Variants in PDGFRL observed in about 807,000 individuals in gnomAD.
PDGFRL encodes platelet derived growth factor receptor like.
A neutral mutation model predicts 37.2 loss-of-function variants in PDGFRL; 46 were observed. The ratio of observed to expected loss-of-function variants is 1.24; its 90% CI spans 0.98 to 1.58. PDGFRL has a LOEUF of 1.58. Ranked by LOEUF, PDGFRL falls within the 40% of genes most tolerant of loss-of-function variation. The pLI, the probability that PDGFRL is intolerant of heterozygous loss-of-function variation, is 0.00. For synonymous variants in PDGFRL, 251 were observed against 184.3 expected (o/e 1.36, Z -2.93); for missense variants, 692 against 467.6 (o/e 1.48, Z -4.43).
chr8:17,623,483 G>T (rs1342253541), intron 3 of PDGFRL, among the ~76,000 whole-genome samples: 2 of 152,202 alleles, frequency 1.3e-5, no homozygotes, highest in African/African-American at 4.8e-5. Context: ...AGTTGCAGAA[G>T]GAAGATTCTT....
At chr8:17,608,961 G>A (rs1356134771) in intron 2 of PDGFRL, among the ~76,000 whole-genome samples, 2 of 152,228 alleles carry the variant, frequency 1.3e-5, no homozygotes, top group Admixed American at 6.5e-5. Context: ...GCTCATGCCT[G>A]TAATCCCAGC....
intron 4 of PDGFRL, among the ~76,000 whole-genome samples, chr8:17,633,157 T>C (rs201469089): frequency 3.3e-5 from 5 of 152,072 alleles, no homozygotes; most frequent in African/African-American, 1.2e-4. Context: ...TCAAAATTGC[T>C]CATTAACACA....
intron 2 of PDGFRL, among the ~76,000 whole-genome samples, chr8:17,596,973 T>G (rs1222061031): frequency 6.6e-6 from 1 of 152,208 alleles, no homozygotes; most frequent in African/African-American, 2.4e-5. Context: ...AGTGTTGGGT[T>G]TGGAAGCTCC....
At chr8:17,634,311 C>T (rs906148945) in intron 5 of PDGFRL, 98 bp downstream of exon 5, 4 of 928,590 alleles carry the variant, frequency 4.3e-6, no homozygotes, top group South Asian at 1.7e-5. Flanking sequence ...GTGCTATATG[C>T]CATAACTTCA....
At chr8:17,631,135 G>A (rs1285754822) in intron 4 of PDGFRL, among the ~76,000 whole-genome samples, 3 of 152,236 alleles carry the variant, frequency 2.0e-5, no homozygotes, top group South Asian at 2.1e-4. Flanking sequence ...GTTGCAGAAC[G>A]CTGCAACACC....
intron 2 of PDGFRL, among the ~76,000 whole-genome samples, chr8:17,594,006 A>G (rs138740145): frequency 0.16 from 24,500 of 152,038 alleles, 2,502 homozygotes; most frequent in Non-Finnish European, 0.23. Flanking sequence ...GGCCGAAACT[A>G]TGTGCCCACT....
At chr8:17,639,931 G>A (rs1268111708) in intron 5 of PDGFRL, among the ~76,000 whole-genome samples, 1 of 152,052 alleles carries the variant, frequency 6.6e-6, no homozygotes. Context: ...AGGTTTGTTT[G>A]TTTAATATAA....
At chr8:17,635,592 T>C (rs1032712800) in intron 5 of PDGFRL, among the ~76,000 whole-genome samples, 12 of 152,178 alleles carry the variant, frequency 7.9e-5, no homozygotes, top group Non-Finnish European at 1.6e-4. Context: ...AAACATGTGT[T>C]CAAATATCTT....
intron 1 of PDGFRL, among the ~76,000 whole-genome samples, chr8:17,587,962 A>C (rs972515399): frequency 1.3e-5 from 2 of 151,570 alleles, no homozygotes; most frequent in African/African-American, 4.9e-5. Context: ...TTGAGTGGAC[A>C]CAACTGTGTG....
intron 1 of PDGFRL, among the ~76,000 whole-genome samples, chr8:17,577,783 T>C (rs1803619105): frequency 6.6e-6 from 1 of 151,606 alleles, no homozygotes; most frequent in African/African-American, 2.4e-5. Flanking sequence ...CTCGCAGTTC[T>C]GGGCGTGTTT....
chr8:17,606,128 A>G (rs1191858010), intron 2 of PDGFRL, among the ~76,000 whole-genome samples: 5 of 152,258 alleles, frequency 3.3e-5, no homozygotes, highest in Admixed American at 2.0e-4. Flanking sequence ...AAGAATCTGC[A>G]CAGACTTTGG....
chr8:17,611,080 A>C (rs1449697775), intron 2 of PDGFRL, among the ~76,000 whole-genome samples: 2 of 152,212 alleles, frequency 1.3e-5, no homozygotes, highest in Non-Finnish European at 2.9e-5. Context: ...TGCGGTACGC[A>C]GTGGGAGGCA....
intron 2 of PDGFRL, among the ~76,000 whole-genome samples, chr8:17,598,953 T>C (rs886234538): frequency 3.3e-5 from 5 of 152,342 alleles, no homozygotes; most frequent in Non-Finnish European, 5.9e-5. Context: ...CACGTGGAAC[T>C]GTGAATCCAT....
intron 2 of PDGFRL, among the ~76,000 whole-genome samples, chr8:17,595,594 C>G (rs1234893070): frequency 6.6e-6 from 1 of 152,198 alleles, no homozygotes; most frequent in Non-Finnish European, 1.5e-5. Context: ...GCCAGGGTCT[C>G]TGCGTGGCTG....
At position 17,628,757 on chromosome 8, in the gene PDGFRL, A is replaced by G. The variant is rs752096470; in HGVS notation, c.776A>G (p.Lys259Arg). Residue 259 changes from lysine (K) to arginine (R), a missense_variant, in exon 4 of 6, where the codon AAG (lysine) becomes AGG (arginine). Physicochemically the swap from Lys to Arg is conservative, Grantham distance 26 (BLOSUM62 2). Transcript: ENST00000251630. ...GGGGGCAGATCTCAGATCTCCGTCA[A>G]GTACCAGCTGCTCTATGTGGCGGGT... Reference protein sequence around the residue: ...EAGGRSQISVKYQLLYVAVPS... With the variant: ...EAGGRSQISVRYQLLYVAVPS... 1.9e-6 allele frequency: 3 copies of G among 1,613,966 alleles called. No individual in the cohort carries two copies. In the Admixed American group the frequency reaches 5.0e-5, roughly 27 times the overall value.
chr8:17,615,315 A>AGT (rs35076150), intron 2 of PDGFRL, among the ~76,000 whole-genome samples: 76,226 of 151,540 alleles, frequency 0.5, 20,525 homozygotes, highest in Middle Eastern at 0.63. Flanking sequence ...GTGATTTGGG[A>AGT]GTGTGTGTGT....
In PDGFRL at chr8:17,614,956, C is replaced by T. The variant is rs369327165; in HGVS notation, c.354-6095C>T. Among the ~76,000 whole-genome samples the T allele has an allele frequency of 1.5e-4, 23 of 152,214 alleles. 1 individual carries two copies. Among genetic ancestry groups the T allele is most frequent in the East Asian group, 1.4e-3 (7 of 5,170 alleles). On this transcript the variant is annotated intron_variant, in intron 2 of 5. Transcript: ENST00000251630. ...CTCCAGCCTGTTTGTTCACCTGCCACGTGGGGTTAATAATAGCACTTATCT... is the reference window on the plus strand; with the variant it reads ...CTCCAGCCTGTTTGTTCACCTGCCATGTGGGGTTAATAATAGCACTTATCT...
chr8:17,624,372 C>G (rs1804692539), intron 3 of PDGFRL, among the ~76,000 whole-genome samples: 1 of 152,192 alleles, frequency 6.6e-6, no homozygotes, highest in South Asian at 2.1e-4. Flanking sequence ...TTTCCTCTTT[C>G]ATCTTGATCC....
chr8:17,631,776 T>A (rs1175649240), intron 4 of PDGFRL, among the ~76,000 whole-genome samples: 11 of 152,166 alleles, frequency 7.2e-5, no homozygotes, highest in Admixed American at 2.0e-4. Context: ...CTGGCTCCAT[T>A]TTTCCCAGCT....
Sources: gnomAD v4.1 joint callset for allele counts (sites outside exome capture counted in the v4.1 genomes callset) on GRCh38, gnomAD v4.1.1 for gene constraint, MANE v1.5 for transcripts, NCBI Gene and HGNC (gene_info 2026-07-23, HGNC 2026-07-21) for gene names.